PRMT3: variants seen among roughly 807,000 people sequenced by gnomAD.
PRMT3 encodes protein arginine methyltransferase 3.
Under a neutral mutation model 71.9 loss-of-function variants are expected in PRMT3, and 62 were observed. That is an observed-to-expected ratio of 0.86 (90% confidence interval 0.70 to 1.07). The LOEUF is 1.07. Ranked by LOEUF, PRMT3 falls within the 50% of genes least tolerant of loss-of-function variation. PRMT3 has a pLI of 0.00. For synonymous variants in PRMT3, 213 were observed against 220.4 expected (o/e 0.97, Z 0.30); for missense variants, 663 against 643.0 (o/e 1.03, Z -0.34).
At chr11:20,481,179 A>G (rs1304713397) in intron 13 of PRMT3, among the ~76,000 whole-genome samples, 1 of 152,094 alleles carries the variant, frequency 6.6e-6, no homozygotes, top group Non-Finnish European at 1.5e-5. Context: ...GTTGGATTCC[A>G]AAAGCTTGTT....
At chr11:20,465,242 CAAAT>C (rs1230357247) in intron 13 of PRMT3, among the ~76,000 whole-genome samples, 1 of 151,948 alleles carries the variant, frequency 6.6e-6, no homozygotes, top group Non-Finnish European at 1.5e-5. Flanking sequence ...TTTTTCATCT[CAAAT>C]AATTTATAAA....
At chr11:20,404,709 G>A (rs1346548679) in intron 8 of PRMT3, among the ~76,000 whole-genome samples, 3 of 152,134 alleles carry the variant, frequency 2.0e-5, no homozygotes, top group Non-Finnish European at 4.4e-5. Context: ...ATATAGAGAT[G>A]AAACATGAGA....
At chr11:20,466,342 C>T (rs1850511637) in intron 13 of PRMT3, among the ~76,000 whole-genome samples, 1 of 152,178 alleles carries the variant, frequency 6.6e-6, no homozygotes, top group Non-Finnish European at 1.5e-5. Context: ...TTTAAATAGC[C>T]TAGCACTGTA....
At chr11:20,482,022 C>T (rs1850948454) in intron 13 of PRMT3, among the ~76,000 whole-genome samples, 1 of 152,024 alleles carries the variant, frequency 6.6e-6, no homozygotes, top group Non-Finnish European at 1.5e-5. Flanking sequence ...TGGGAGGAAT[C>T]GCCTGTAATA....
intron 11 of PRMT3, among the ~76,000 whole-genome samples, chr11:20,460,851 A>C (rs1850367437): frequency 6.6e-6 from 1 of 152,114 alleles, no homozygotes; most frequent in Non-Finnish European, 1.5e-5. Context: ...TACTTCATAA[A>C]TATCCCTTGA....
chr11:20,400,329 T>A (rs998745673), intron 7 of PRMT3, among the ~76,000 whole-genome samples: 1 of 152,180 alleles, frequency 6.6e-6, no homozygotes, highest in Non-Finnish European at 1.5e-5. Context: ...TAAATAAAAG[T>A]AGCTTGTGAT....
chr11:20,393,902 T>G (rs1268438063), intron 5 of PRMT3: 1 of 152,214 alleles, frequency 6.6e-6, no homozygotes, highest in South Asian at 2.1e-4. Context: ...TTATATAGTT[T>G]GGAAATATTT....
intron 13 of PRMT3, among the ~76,000 whole-genome samples, chr11:20,467,212 C>A (rs975431021): frequency 6.6e-6 from 1 of 152,106 alleles, no homozygotes; most frequent in Admixed American, 6.6e-5. Context: ...CTGACATTAT[C>A]CTTTAAAATT....
At position 20,404,230 on chromosome 11, in the gene PRMT3, T is replaced by G. The variant is rs1263533888; in HGVS notation, c.771+1246T>G. Reference sequence around the variant, plus strand: ...TTCATAGTTTTTTTTTTTTTTTTTTTTTTTTTTTTTTTTTTTTTTTTTGAG... The same window carrying G: ...TTCATAGTTTTTTTTTTTTTTTTTTGTTTTTTTTTTTTTTTTTTTTTTGAG... On this transcript the variant is annotated intron_variant, in intron 8 of 15. Coordinates refer to ENST00000331079, the MANE Select transcript of PRMT3 (RefSeq NM_005788.4). Among the ~76,000 whole-genome samples, 458 of 108,850 alleles carry G rather than the reference T, an allele frequency of 4.2e-3. 3 individuals are homozygous for G. Among genetic ancestry groups the G allele is most frequent in the East Asian group, 0.011 (45 of 3,940 alleles). 71.4% of individuals were successfully genotyped at this position (108,850 alleles called of 152,430 possible).
intron 10 of PRMT3, among the ~76,000 whole-genome samples, chr11:20,441,788 GTTTTTTTTT>G (rs61553968): frequency 9.2e-4 from 109 of 118,506 alleles, no homozygotes; most frequent in East Asian, 5.1e-3. Flanking sequence ...ATAGTTTCAG[GTTTTTTTTT>G]TTTTTTTTTT....
intron 12 of PRMT3, 52 bp downstream of exon 12, chr11:20,462,219 G>C (rs769763958): frequency 7.2e-7 from 1 of 1,385,796 alleles, no homozygotes; most frequent in Non-Finnish European, 9.9e-7. Context: ...ATTTTTCTTA[G>C]TTCAGCATTT....
chr11:20,451,490 T>C (rs916126701), intron 10 of PRMT3, among the ~76,000 whole-genome samples: 2 of 151,312 alleles, frequency 1.3e-5, no homozygotes, highest in Non-Finnish European at 2.9e-5. Flanking sequence ...CCACTTTCTT[T>C]TTTGTTTTTT....
chr11:20,477,345 G>A (rs1429768155), intron 13 of PRMT3, among the ~76,000 whole-genome samples: 6 of 152,078 alleles, frequency 3.9e-5, no homozygotes, highest in Non-Finnish European at 5.9e-5. Context: ...GGAGGCTGAG[G>A]CGGGCAGATC....
chr11:20,426,739 A>C, intron 9 of PRMT3, 27 bp from the exon 10 acceptor site: 1 of 1,429,824 alleles, frequency 7.0e-7, no homozygotes, highest in South Asian at 1.6e-5. Flanking sequence ...TGTTTAACCT[A>C]CTAATCTAAT....
chr11:20,495,227 G>T (rs1225167036), intron 15 of PRMT3, among the ~76,000 whole-genome samples: 4 of 152,094 alleles, frequency 2.6e-5, no homozygotes, highest in Non-Finnish European at 5.9e-5. Context: ...CGTTGGCTAG[G>T]CTGGTCTCAA....
At chr11:20,422,885 C>T (rs1254868286) in intron 9 of PRMT3, among the ~76,000 whole-genome samples, 1 of 152,134 alleles carries the variant, frequency 6.6e-6, no homozygotes. Context: ...AAGTAGGGAT[C>T]AACCTGGCAC....
chr11:20,398,993 A>G (rs981763209), intron 7 of PRMT3, among the ~76,000 whole-genome samples: 1 of 152,248 alleles, frequency 6.6e-6, no homozygotes, highest in Non-Finnish European at 1.5e-5. Flanking sequence ...ATACTTGATA[A>G]TTATACATTT....
chr11:20,396,991 C>G (rs1848841058), intron 6 of PRMT3, among the ~76,000 whole-genome samples: 1 of 152,144 alleles, frequency 6.6e-6, no homozygotes, highest in South Asian at 2.1e-4. Context: ...TTCCCTGTTT[C>G]AGAATTTTTA....
intron 9 of PRMT3, among the ~76,000 whole-genome samples, chr11:20,409,426 G>A (rs1409942573): frequency 4.6e-5 from 7 of 152,122 alleles, no homozygotes; most frequent in Non-Finnish European, 1.0e-4. Flanking sequence ...AATCAGTTTG[G>A]CCTGTTGCCC....
Sources: allele counts gnomAD v4.1 joint callset (sites outside exome capture counted in the v4.1 genomes callset), GRCh38; gene constraint gnomAD v4.1.1; transcripts MANE v1.5; gene names NCBI Gene and HGNC (gene_info 2026-07-23, HGNC 2026-07-21).